FAM91A1: variants seen among roughly 807,000 people sequenced by gnomAD.
The protein encoded by FAM91A1 is protein FAM91A1.
A neutral mutation model predicts 113.5 loss-of-function variants in FAM91A1; 41 were observed. The ratio of observed to expected loss-of-function variants is 0.36; its 90% CI spans 0.28 to 0.47. The LOEUF (loss-of-function observed/expected upper bound fraction) is 0.47, where lower values mean the gene tolerates loss of function less well. Ranked by LOEUF, FAM91A1 falls within the 20% of genes least tolerant of loss-of-function variation. FAM91A1 has a pLI of 1.00. For missense variants in FAM91A1, 696 were observed against 1,001.2 expected, an observed-to-expected ratio of 0.70 and a Z score of 4.11; for synonymous variants, 307 against 347.9, an observed-to-expected ratio of 0.88 and a Z score of 1.31.
intron 16 of FAM91A1, among the ~76,000 whole-genome samples, 200 bp downstream of exon 16, chr8:123,798,438 G>C (rs908252556): frequency 3.3e-5 from 5 of 152,172 alleles, no homozygotes; most frequent in Non-Finnish European, 5.9e-5. Flanking sequence ...AGTGACTTGT[G>C]ACACATTAGA....
chr8:123,771,597 A>T (rs1170880679), intron 1 of FAM91A1, among the ~76,000 whole-genome samples: 3 of 152,184 alleles, frequency 2.0e-5, no homozygotes, highest in Admixed American at 6.5e-5. Context: ...GGATGGGGCC[A>T]TTATTTCAGG....
At chr8:123,771,236 A>G (rs1357598739) in intron 1 of FAM91A1, among the ~76,000 whole-genome samples, 1 of 152,176 alleles carries the variant, frequency 6.6e-6, no homozygotes, top group Non-Finnish European at 1.5e-5. Context: ...TTTTGTGGTT[A>G]CAATACTGGC....
rs1159309983 is a variant in FAM91A1 at position 123,808,337 on chromosome 8, G to A, written c.2098G>A (p.Glu700Lys). ...TACAGAGTCATTTGAAATGGTCATT[G>A]AGGAAGCAACTATAGATTCAGCAAC... ...GSTESFEMVI[E>K]EATIDSATKQ... The change falls in exon 21 of 24, where the codon GAG (glutamate) becomes AAG (lysine). Residue 700 changes from glutamate (E) to lysine (K), a missense_variant. Transcript: ENST00000334705. The A allele has an allele frequency of 1.2e-5, 19 of 1,613,522 alleles. No homozygotes were observed. The highest frequency in any genetic ancestry group is 1.6e-5 in the Non-Finnish European group (19 of 1,179,674).
chr8:123,788,181 G>A (rs1167204429), intron 14 of FAM91A1: 3 of 984,492 alleles, frequency 3.0e-6, no homozygotes, highest in South Asian at 4.7e-5. Context: ...ATTTATGTCC[G>A]CTCTCACTAT....
At chr8:123,785,318 A>G (rs957432488) in intron 10 of FAM91A1, among the ~76,000 whole-genome samples, 199 bp downstream of exon 10, 4 of 152,230 alleles carry the variant, frequency 2.6e-5, no homozygotes, top group Admixed American at 2.6e-4. Flanking sequence ...ATTCAAACAC[A>G]TGGACTGAAA....
Position 123,782,905 on chromosome 8 carries a change from C to G in FAM91A1, c.704-1565C>G, listed in dbSNP as rs532454177. Among the ~76,000 whole-genome samples the G allele has an allele frequency of 2.2e-4, 33 of 152,244 alleles. No homozygotes were observed. The South Asian group carries it at 6.2e-3, about 29-fold the overall frequency. On this transcript the variant is annotated intron_variant, in intron 8 of 23. Coordinates refer to ENST00000334705, the MANE Select transcript of FAM91A1 (RefSeq NM_144963.4). ...GGGTAACTGGCCAAGCACAGTGGCTCACACCTGTAATCCCAGTACTTTGGG... is the reference window on the plus strand; with the variant it reads ...GGGTAACTGGCCAAGCACAGTGGCTGACACCTGTAATCCCAGTACTTTGGG...
intron 4 of FAM91A1, 54 bp from the exon 5 acceptor site, chr8:123,777,971 A>T: frequency 6.8e-7 from 1 of 1,465,706 alleles, no homozygotes. Flanking sequence ...TTGTGAACAT[A>T]TTGAGATTTC....
At chr8:123,794,937 G>C (rs533870502) in intron 15 of FAM91A1, among the ~76,000 whole-genome samples, 1 of 152,304 alleles carries the variant, frequency 6.6e-6, no homozygotes, top group African/African-American at 2.4e-5. Flanking sequence ...TTATGAAGCT[G>C]TTTTTACATC....
At chr8:123,780,951 T>A (rs1815105095) in intron 8 of FAM91A1, among the ~76,000 whole-genome samples, 1 of 152,206 alleles carries the variant, frequency 6.6e-6, no homozygotes, top group Admixed American at 6.5e-5. Flanking sequence ...TCCTTTTCCC[T>A]TCTTCCTTTA....
chr8:123,778,827 A>G lies in FAM91A1; in HGVS notation c.549+55A>G, dbSNP rs1463870417. On this transcript the variant is annotated intron_variant, in intron 6 of 23. Transcript: ENST00000334705. ...TTTTTATTTTTTAGTTTATTTTACA[A>G]TTTTTAATTATAGCTTATAATTTTT... The G allele has an allele frequency of 2.7e-6, 3 of 1,122,776 alleles. No individual in the cohort carries two copies. The African/African-American group carries it at 4.9e-5, about 18-fold the overall frequency. 69.6% of individuals were successfully genotyped at this position (1,122,776 alleles called of 1,614,324 possible).
rs1423203210 is a variant in FAM91A1 at position 123,813,726 on chromosome 8, A to G, written c.*1022A>G. Reference sequence around the variant, plus strand: ...ATTACTTCAAAGTGTTTCTTGAGTCATTGATTCTTTTAGCATCTCAAATGT... The same window carrying G: ...ATTACTTCAAAGTGTTTCTTGAGTCGTTGATTCTTTTAGCATCTCAAATGT... On this transcript the variant is annotated 3_prime_UTR_variant, in exon 24 of 24. Coordinates refer to ENST00000334705, the MANE Select transcript of FAM91A1 (RefSeq NM_144963.4). The G allele has an allele frequency of 1.3e-5, 2 of 152,366 alleles. No individual in the cohort carries two copies. Among genetic ancestry groups the G allele is most frequent in the Non-Finnish European group, 2.9e-5 (2 of 68,038 alleles). The allele number at this position is 152,366 out of a possible 1,614,324, so 9.4% of individuals were successfully genotyped here. A position where few individuals can be genotyped will look rare whatever the true frequency, so the allele number is the denominator to read the frequency against.
chr8:123,786,280 G>C (rs959628626), intron 11 of FAM91A1: 14 of 503,356 alleles, frequency 2.8e-5, no homozygotes, highest in African/African-American at 2.5e-4. Flanking sequence ...AATCTTGAAG[G>C]GTTCTTGAAT....
At chr8:123,803,513 G>A (rs983704068) in intron 18 of FAM91A1, among the ~76,000 whole-genome samples, 1 of 152,072 alleles carries the variant, frequency 6.6e-6, no homozygotes, top group Non-Finnish European at 1.5e-5. Context: ...ATGTTGCCCA[G>A]GCTGGTCTCA....
chr8:123,768,663 C>G lies in FAM91A1; in HGVS notation c.-40C>G. On this transcript the variant is annotated 5_prime_UTR_variant, in exon 1 of 24. Coordinates refer to ENST00000334705, the MANE Select transcript of FAM91A1 (RefSeq NM_144963.4). ...GGCAGGCGGGAGGCGTAGTGTGGGT[C>G]GCGGTGGCGGCCCCGGCCGCCGGCC... The G allele has an allele frequency of 6.5e-7, 1 of 1,542,158 alleles. No homozygotes were observed. The highest frequency in any genetic ancestry group is 8.8e-7 in the Non-Finnish European group (1 of 1,140,002).
intron 15 of FAM91A1, among the ~76,000 whole-genome samples, chr8:123,791,989 A>G (rs940133079): frequency 1.3e-5 from 2 of 152,196 alleles, no homozygotes; most frequent in African/African-American, 4.8e-5. Flanking sequence ...AGCATGGCCA[A>G]CATGGTGAAA....
chr8:123,812,412 A>AAAAATC, intron 23 of FAM91A1, 107 bp from the exon 24 acceptor site: 1 of 952,818 alleles, frequency 1.0e-6, no homozygotes, highest in Non-Finnish European at 1.6e-6. Context: ...CTGCTTTGCA[A>AAAAATC]TCCATAAACA....
chr8:123,810,712 G>C lies in FAM91A1; in HGVS notation c.2331+361G>C, dbSNP rs192957001. 1.8e-4 allele frequency: 49 copies of C among 278,776 alleles called. No homozygotes were observed. The Admixed American group carries it at 2.2e-3, about 13-fold the overall frequency. 17.3% of individuals were successfully genotyped at this position (278,776 alleles called of 1,614,324 possible). ...TGGGCTGTCTGTTGTGGCAGCGAAG[G>C]CCAGTGCTCTGGACTTCTTGTTTTT... is the stretch of plus-strand genomic sequence containing the variant. On this transcript the variant is annotated intron_variant, in intron 23 of 23. Coordinates refer to ENST00000334705, the MANE Select transcript of FAM91A1 (RefSeq NM_144963.4).
intron 2 of FAM91A1, among the ~76,000 whole-genome samples, chr8:123,774,468 ATTAG>A (rs1245210737): frequency 1.2e-4 from 19 of 152,094 alleles, no homozygotes; most frequent in African/African-American, 4.3e-4. Context: ...GAAAAAGTAT[ATTAG>A]TTCTTAGTAA....
chr8:123,775,383 G>C, intron 3 of FAM91A1, 85 bp downstream of exon 3: 36 of 1,499,330 alleles, frequency 2.4e-5, no homozygotes, highest in Non-Finnish European at 3.2e-5. Flanking sequence ...CAGCTCTTCA[G>C]CTGTCGTCTG....
Sources: gnomAD v4.1 joint callset for allele counts (sites outside exome capture counted in the v4.1 genomes callset) on GRCh38, gnomAD v4.1.1 for gene constraint, MANE v1.5 for transcripts, NCBI Gene and HGNC (gene_info 2026-07-23, HGNC 2026-07-21) for gene names.